The following PDE6B variants were observed in gnomAD, a reference collection of about 807,000 sequenced individuals.
The protein encoded by PDE6B is rod cGMP-specific 3',5'-cyclic phosphodiesterase subunit beta.
A neutral mutation model predicts 109.0 loss-of-function variants in PDE6B; 106 were observed. That is an observed-to-expected ratio of 0.97 (90% CI 0.83 to 1.14). PDE6B has a LOEUF of 1.14. Among genes scored for constraint, PDE6B ranks in the 50% most tolerant of loss-of-function variants. The probability of loss-of-function intolerance (pLI) is 0.00; values close to 1 mark genes in which losing one functional copy is unlikely to be tolerated. For missense variants in PDE6B, 1,193 were observed against 1,155.6 expected, an observed-to-expected ratio of 1.03 and a Z score of -0.47; for synonymous variants, 490 against 471.3, an observed-to-expected ratio of 1.04 and a Z score of -0.51.
In PDE6B at chr4:625,591, C is replaced by A; in HGVS notation, c.-36C>A. 1.4e-6 allele frequency: 2 copies of A among 1,449,844 alleles called. No individual in the cohort carries two copies. Among genetic ancestry groups the A allele is most frequent in the Non-Finnish European group, 1.9e-6 (2 of 1,030,424 alleles). The allele number at this position is 1,449,844 out of a possible 1,614,324, so 89.8% of individuals were successfully genotyped here. A position where few individuals can be genotyped will look rare whatever the true frequency, so the allele number is the denominator to read the frequency against. On this transcript the variant is annotated 5_prime_UTR_variant, in exon 1 of 22. The change creates a new upstream start codon in the 5' untranslated region. Coordinates refer to ENST00000496514, the MANE Select transcript of PDE6B (RefSeq NM_000283.4). This position sits in a 1 kb window ranked among gnomAD's most constrained non-coding sequence, Gnocchi z 5.0. ...GGGTTTCCTGGGAGTCCATGCGTGC[C>A]TGGAGCAGCAGCGTCTCCAGGGACA...
At chr4:661,988 G>A in intron 12 of PDE6B, 146 bp from the exon 13 acceptor site, 2 of 678,218 alleles carry the variant, frequency 2.9e-6, no homozygotes, top group Admixed American at 4.1e-5. Flanking sequence ...GGGAAACGCA[G>A]GGATGGGGAA....
intron 5 of PDE6B, 85 bp downstream of exon 5, chr4:654,239 G>A (rs765358061): frequency 7.9e-7 from 1 of 1,267,910 alleles, no homozygotes; most frequent in African/African-American, 1.5e-5. Flanking sequence ...GGGAGGGATA[G>A]GGGTGGGGTT....
At chr4:635,806 C>A in intron 2 of PDE6B, 74 bp from the exon 3 acceptor site, 1 of 828,194 alleles carries the variant, frequency 1.2e-6, no homozygotes, top group Non-Finnish European at 2.1e-6. Flanking sequence ...GCATGTTTCT[C>A]CTGCAAAATA....
intron 3 of PDE6B, 194 bp from the exon 4 acceptor site, chr4:653,658 C>T (rs904074898): frequency 3.0e-6 from 2 of 677,674 alleles, no homozygotes; most frequent in Non-Finnish European, 5.1e-6. Flanking sequence ...CAGCCAGCTC[C>T]CGGGCCCCAC....
Position 662,977 on chromosome 4 carries a change from T to C in PDE6B, c.1833-123T>C. ...ATGATTGCACCACTGCACTCCAGAG[T>C]GGGTGACAGAGGCAGACCCTGTCTC... On this transcript the variant is annotated intron_variant, in intron 14 of 21. Transcript: ENST00000496514. This position sits in a 1 kb window ranked among gnomAD's most constrained non-coding sequence, Gnocchi z 4.3. The C allele has an allele frequency of 1.4e-6, 1 of 714,594 alleles. No homozygotes were observed. Among genetic ancestry groups the C allele is most frequent in the Non-Finnish European group, 2.6e-6 (1 of 388,972 alleles). 44.3% of individuals were successfully genotyped at this position (714,594 alleles called of 1,614,324 possible).
chr4:632,681 C>T (rs1734450463), intron 1 of PDE6B, among the ~76,000 whole-genome samples: 1 of 150,534 alleles, frequency 6.6e-6, no homozygotes, highest in Non-Finnish European at 1.5e-5. Context: ...TTGTGGGGAT[C>T]TGTGTGGTGC....
chr4:642,805 TTCTC>T (rs1248428795), intron 3 of PDE6B, among the ~76,000 whole-genome samples: 1 of 151,404 alleles, frequency 6.6e-6, no homozygotes, highest in African/African-American at 2.4e-5. Context: ...CTTGAGGAAG[TTCTC>T]TCTATTTCTA....
chr4:630,171 G>A (rs546643288), intron 1 of PDE6B, among the ~76,000 whole-genome samples: 23 of 152,320 alleles, frequency 1.5e-4, no homozygotes, highest in African/African-American at 4.6e-4. Context: ...ACGATGGTGT[G>A]GCTGCATTTC....
intron 5 of PDE6B, 77 bp from the exon 6 acceptor site, chr4:654,747 A>T: frequency 1.2e-6 from 1 of 833,404 alleles, no homozygotes; most frequent in Non-Finnish European, 2.1e-6. Context: ...GTGTAGCTGC[A>T]TGTAGCTGTG....
chr4:661,750 C>G, intron 12 of PDE6B: 1 of 323,484 alleles, frequency 3.1e-6, no homozygotes, highest in South Asian at 2.6e-5. Context: ...TCTCCCACCC[C>G]AGCCTGCAGC....
At chr4:650,350 C>G (rs534629306) in intron 3 of PDE6B, among the ~76,000 whole-genome samples, 1 of 152,360 alleles carries the variant, frequency 6.6e-6, no homozygotes, top group South Asian at 2.1e-4. Context: ...TGCTGGGTGT[C>G]CGGCCCCCCC....
intron 2 of PDE6B, 99 bp from the exon 3 acceptor site, chr4:635,781 G>A (rs1734648541): frequency 2.7e-6 from 2 of 742,374 alleles, no homozygotes; most frequent in Non-Finnish European, 4.9e-6. Context: ...GGCGTGTCTG[G>A]GCACCCTCAG....
At chr4:649,056 C>T (rs1735355532) in intron 3 of PDE6B, among the ~76,000 whole-genome samples, 1 of 152,176 alleles carries the variant, frequency 6.6e-6, no homozygotes, top group Non-Finnish European at 1.5e-5. Context: ...GGACTTAGGG[C>T]CCCACCATGA....
intron 1 of PDE6B, among the ~76,000 whole-genome samples, chr4:632,706 G>A (rs915678523): frequency 1.0e-4 from 15 of 150,546 alleles, no homozygotes; most frequent in African/African-American, 2.9e-4. Flanking sequence ...TCAGGGTCAC[G>A]TTGTGTGGGT....
chr4:660,159 C>A (rs781148993), intron 11 of PDE6B, among the ~76,000 whole-genome samples: 1 of 151,616 alleles, frequency 6.6e-6, no homozygotes. Context: ...TGTCTGTATC[C>A]GTGTGTGTGT....
At chr4:647,334 TG>T (rs1392319536) in intron 3 of PDE6B, among the ~76,000 whole-genome samples, 1 of 152,036 alleles carries the variant, frequency 6.6e-6, no homozygotes, top group Non-Finnish European at 1.5e-5. Context: ...GTGTGGGATT[TG>T]GGGTCCATCT....
chr4:633,530 C>T lies in PDE6B; in HGVS notation c.469-1147C>T, dbSNP rs1170556070. ...GTGGAGGGGAGTTGCGAGGAGTCTG[C>T]CCTCTGCTGCTGCAGGGCCACCGTC... On this transcript the variant is annotated intron_variant, in intron 1 of 21. Transcript: ENST00000496514. The surrounding 1 kb of genome is among the most constrained non-coding windows in gnomAD (Gnocchi z 4.5). 2.0e-5 allele frequency among the ~76,000 whole-genome samples: 3 copies of T among 152,158 alleles called. No homozygotes were observed. The highest frequency in any genetic ancestry group is 6.5e-5 in the Admixed American group (1 of 15,280).
intron 3 of PDE6B, among the ~76,000 whole-genome samples, chr4:638,712 C>T (rs1034769796): frequency 6.6e-6 from 1 of 152,122 alleles, no homozygotes; most frequent in African/African-American, 2.4e-5. Context: ...CATTGAGGGC[C>T]CCAATGAGGG....
chr4:634,471 C>T (rs1734543663), intron 1 of PDE6B, among the ~76,000 whole-genome samples: 1 of 152,158 alleles, frequency 6.6e-6, no homozygotes, highest in Non-Finnish European at 1.5e-5. Flanking sequence ...ATCCTCCGCA[C>T]AGGGGTGCAT....
Sources: allele counts gnomAD v4.1 joint callset (sites outside exome capture counted in the v4.1 genomes callset), GRCh38; gene constraint gnomAD v4.1.1; non-coding constraint Gnocchi (gnomAD v3.1); transcripts MANE v1.5; gene names NCBI Gene and HGNC (gene_info 2026-07-23, HGNC 2026-07-21).